The following ZNF541 variants were observed in gnomAD, a reference collection of about 807,000 sequenced individuals.
ZNF541 encodes zinc finger protein 541.
In ZNF541, 23 loss-of-function variants were observed where a neutral mutation model predicts 123.5. The ratio of observed to expected loss-of-function variants is 0.19; its 90% CI spans 0.13 to 0.26. The LOEUF is 0.26. Ranked by LOEUF, ZNF541 falls within the 10% of genes least tolerant of loss-of-function variation. The pLI, the probability that ZNF541 is intolerant of heterozygous loss-of-function variation, is 1.00. For synonymous variants in ZNF541, 751 were observed against 754.5 expected, an observed-to-expected ratio of 1.00 and a Z score of 0.08; for missense variants, 1,612 against 1,789.9, an observed-to-expected ratio of 0.90 and a Z score of 1.79.
intron 11 of ZNF541, 102 bp from the exon 12 acceptor site, chr19:47,531,847 T>C: frequency 1.9e-6 from 2 of 1,076,790 alleles, no homozygotes; most frequent in Non-Finnish European, 2.7e-6. Context: ...TGCCTTCCCC[T>C]TCTCTCTCCT....
At chr19:47,562,451 G>A (rs1599737433) in intron 2 of ZNF541, among the ~76,000 whole-genome samples, 1 of 151,896 alleles carries the variant, frequency 6.6e-6, no homozygotes, top group Non-Finnish European at 1.5e-5. Context: ...AGCTGAGGCA[G>A]GAGAATCGCT....
At chr19:47,540,759 C>T (rs1364936590) in intron 6 of ZNF541, 134 bp downstream of exon 6, 1 of 876,968 alleles carries the variant, frequency 1.1e-6, no homozygotes, top group Admixed American at 3.0e-5. Context: ...TTGATAAACC[C>T]TATAAAATGG....
At chr19:47,571,434 G>A (rs1017756817) in intron 2 of ZNF541, among the ~76,000 whole-genome samples, 3 of 152,198 alleles carry the variant, frequency 2.0e-5, no homozygotes, top group Non-Finnish European at 2.9e-5. Flanking sequence ...ATTATCAAAT[G>A]TGTTGCTAGC....
In ZNF541 at chr19:47,544,173, G is replaced by A. The variant is rs1970202449; in HGVS notation, c.2356C>T (p.Pro786Ser). 1 of 1,551,746 alleles carries A rather than the reference G, an allele frequency of 6.4e-7. No homozygotes were observed. The highest frequency in any genetic ancestry group is 8.7e-7 in the Non-Finnish European group (1 of 1,146,984). Residue 786 changes from proline to serine, a missense_variant, in exon 5 of 17, where the codon CCG (proline) becomes TCG (serine). Physicochemically the swap from Pro to Ser is moderately conservative, Grantham distance 74 (BLOSUM62 -1). Transcript: ENST00000391901. Reference sequence around the variant, plus strand: ...AGCTTGGACTTGGAGGGATCTGCCGGGGGCCCGGCCGATGAGAAGGAGGCC... The same window carrying A: ...AGCTTGGACTTGGAGGGATCTGCCGAGGGCCCGGCCGATGAGAAGGAGGCC... Reference protein sequence around the residue: ...AMASFSSAGPPADPSKSKLTI... With the variant: ...AMASFSSAGPSADPSKSKLTI...
In ZNF541 at chr19:47,544,865, A is replaced by C. The variant is rs1294771908; in HGVS notation, c.1664T>G (p.Met555Arg). 6.5e-7 allele frequency: 1 copy of C among 1,536,180 alleles called. No individual in the cohort carries two copies. Among genetic ancestry groups the C allele is most frequent in the Admixed American group, 2.0e-5 (1 of 51,000 alleles). ...SQEPLVSHEQMQVFQMITKSQ... is the reference protein window; with the variant it reads ...SQEPLVSHEQRQVFQMITKSQ... ...CTTGGTGATCATCTGGAACACCTGC[A>C]TCTGCTCGTGGCTCACAAGAGGTTC... The change falls in exon 5 of 17, where the codon ATG (methionine) becomes AGG (arginine). Residue 555 changes from methionine to arginine, a missense_variant. Around this residue, in one of 5 missense-constraint regions of ZNF541, gnomAD observed 1,080 missense variants for 1,013.8 expected, o/e 1.07. Transcript: ENST00000391901.
chr19:47,554,231 G>C (rs1003051346), intron 3 of ZNF541, among the ~76,000 whole-genome samples: 1 of 152,176 alleles, frequency 6.6e-6, no homozygotes, highest in Non-Finnish European at 1.5e-5. Flanking sequence ...CTCAGTTCGA[G>C]ACCAGACTGG....
At chr19:47,532,579 C>CA (rs1969624741) in intron 10 of ZNF541, among the ~76,000 whole-genome samples, 1 of 152,122 alleles carries the variant, frequency 6.6e-6, no homozygotes, top group Admixed American at 6.6e-5. Flanking sequence ...GCCATCCAGC[C>CA]ACATCCCTCA....
At chr19:47,532,357 C>G in intron 10 of ZNF541, 87 bp from the exon 11 acceptor site, 2 of 1,442,064 alleles carry the variant, frequency 1.4e-6, no homozygotes, top group Non-Finnish European at 1.9e-6. Context: ...ATGCCCTGCT[C>G]TTGGGCCACA....
At chr19:47,558,590 A>C (rs567754503) in intron 2 of ZNF541, among the ~76,000 whole-genome samples, 1 of 151,848 alleles carries the variant, frequency 6.6e-6, no homozygotes, top group African/African-American at 2.4e-5. Flanking sequence ...TCAAGAAGAA[A>C]CAGAATTTCT....
At chr19:47,540,080 G>A in intron 7 of ZNF541, 96 bp downstream of exon 7, 3 of 1,458,780 alleles carry the variant, frequency 2.1e-6, no homozygotes, top group Admixed American at 2.4e-5. Flanking sequence ...CCAGAGTGAC[G>A]TCCCCATCCT....
At chr19:47,568,276 C>G (rs1971343631) in intron 2 of ZNF541, among the ~76,000 whole-genome samples, 1 of 152,160 alleles carries the variant, frequency 6.6e-6, no homozygotes. Flanking sequence ...GTCTGAGTAA[C>G]AGCAGGTTCC....
At chr19:47,563,184 C>T (rs549401081) in intron 2 of ZNF541, among the ~76,000 whole-genome samples, 1 of 152,140 alleles carries the variant, frequency 6.6e-6, no homozygotes, top group Admixed American at 6.6e-5. Flanking sequence ...GGTACGTAAT[C>T]CCATATACAA....
intron 2 of ZNF541, among the ~76,000 whole-genome samples, chr19:47,562,083 T>A (rs1244726631): frequency 2.6e-5 from 4 of 151,998 alleles, no homozygotes; most frequent in African/African-American, 9.7e-5. Context: ...CCCCCGTCCC[T>A]ACTAAAAATA....
intron 13 of ZNF541, 137 bp downstream of exon 13, chr19:47,529,440 A>G: frequency 2.4e-6 from 2 of 821,228 alleles, no homozygotes; most frequent in Non-Finnish European, 3.8e-6. Flanking sequence ...TCATCCCGAC[A>G]AGGACAGGCC....
Position 47,544,908 on chromosome 19 carries a change from G to C in ZNF541, c.1621C>G (p.Leu541Val). The C allele has an allele frequency of 6.5e-7, 1 of 1,535,984 alleles. No homozygotes were observed. The highest frequency in any genetic ancestry group is 8.7e-7 in the Non-Finnish European group (1 of 1,146,714). ...AGAGGTTCCTGCGACTTGAGGAAGA[G>C]CTGGCGGAAGAGCGGCGAGGCATCC... ...PADASPLFRQLFLKSQEPLVS... is the reference protein window; with the variant it reads ...PADASPLFRQVFLKSQEPLVS... The change falls in exon 5 of 17, where the codon CTC becomes GTC. Residue 541 changes from leucine (L) to valine (V), a missense_variant. Physicochemically the swap from Leu to Val is conservative, Grantham distance 32. Around this residue, in one of 5 missense-constraint regions of ZNF541, gnomAD observed 1,080 missense variants for 1,013.8 expected, o/e 1.07. Transcript: ENST00000391901.
At chr19:47,567,594 T>TACC (rs1971317237) in intron 2 of ZNF541, among the ~76,000 whole-genome samples, 1 of 152,248 alleles carries the variant, frequency 6.6e-6, no homozygotes, top group Non-Finnish European at 1.5e-5. Context: ...GGCTAATGGC[T>TACC]ACCATATCAG....
intron 5 of ZNF541, among the ~76,000 whole-genome samples, chr19:47,542,190 G>A (rs1344147825): frequency 6.6e-6 from 1 of 152,200 alleles, no homozygotes; most frequent in African/African-American, 2.4e-5. Context: ...CACATCCACA[G>A]AGACAGAAAG....
At position 47,544,158 on chromosome 19, in the gene ZNF541, T is replaced by C. The variant is rs34984302; in HGVS notation, c.2371A>G (p.Lys791Glu). 4,980 of 1,551,508 alleles carry C rather than the reference T, an allele frequency of 3.2e-3. 115 individuals are homozygous for C. In the African/African-American group the frequency reaches 0.059, roughly 18 times the overall value. Residue 791 changes from lysine (K) to glutamate (E), a missense_variant, in exon 5 of 17, where the codon AAG becomes GAG. Lys to Glu is a moderately conservative substitution (Grantham distance 56). This residue lies in a region of ZNF541 where 1,080 missense variants were observed against 1,013.8 expected (regional missense o/e 1.07). Coordinates refer to ENST00000391901, the MANE Select transcript of ZNF541 (RefSeq NM_001277075.3). ...SSAGPPADPSKSKLTIFSRIQ... is the reference protein window; with the variant it reads ...SSAGPPADPSESKLTIFSRIQ... ...CTGCTGAATATTGTCAGCTTGGACTTGGAGGGATCTGCCGGGGGCCCGGCC... is the reference window on the plus strand; with the variant it reads ...CTGCTGAATATTGTCAGCTTGGACTCGGAGGGATCTGCCGGGGGCCCGGCC...
chr19:47,561,081 G>A (rs1403045222), intron 2 of ZNF541, among the ~76,000 whole-genome samples: 1 of 152,162 alleles, frequency 6.6e-6, no homozygotes, highest in Non-Finnish European at 1.5e-5. Flanking sequence ...GCAGTTGTGT[G>A]GTTTGTGGGG....
Sources: allele counts gnomAD v4.1 joint callset (sites outside exome capture counted in the v4.1 genomes callset), GRCh38; gene constraint gnomAD v4.1.1; regional missense constraint gnomAD v4.1.1; transcripts MANE v1.5; gene names NCBI Gene and HGNC (gene_info 2026-07-23, HGNC 2026-07-21).